CNTLN: variants seen among roughly 807,000 people sequenced by gnomAD.
CNTLN encodes the protein centlein, centrosomal protein.
In CNTLN, 212 loss-of-function variants were observed where a neutral mutation model predicts 180.0. The observed-to-expected ratio is 1.18, with a 90% CI of 1.05 to 1.32. The LOEUF (loss-of-function observed/expected upper bound fraction) is 1.32. Among genes scored for constraint, CNTLN ranks in the 40% most tolerant of loss-of-function variants. CNTLN has a pLI of 0.00. For synonymous variants in CNTLN, 722 were observed against 563.1 expected (o/e 1.28, Z -3.99); for missense variants, 2,095 against 1,610.9 (o/e 1.30, Z -5.14).
intron 2 of CNTLN, among the ~76,000 whole-genome samples, chr9:17,214,151 G>C (rs985980937): frequency 6.6e-6 from 1 of 152,092 alleles, no homozygotes. Flanking sequence ...TCCTAGCCTC[G>C]ATGGTCTTTA....
At chr9:17,449,921 CTG>C (rs1053281970) in intron 18 of CNTLN, among the ~76,000 whole-genome samples, 4 of 152,142 alleles carry the variant, frequency 2.6e-5, no homozygotes, top group African/African-American at 9.7e-5. Flanking sequence ...TATTAGTAAA[CTG>C]TTTTGAATAA....
intron 12 of CNTLN, among the ~76,000 whole-genome samples, chr9:17,365,597 T>C (rs527507218): frequency 6.8e-6 from 1 of 147,004 alleles, no homozygotes; most frequent in Non-Finnish European, 1.5e-5. Flanking sequence ...GAATTTACCA[T>C]TCTTGTTTTC....
chr9:17,507,518 G>A (rs1462401187), downstream of CNTLN, among the ~76,000 whole-genome samples: 1 of 152,068 alleles, frequency 6.6e-6, no homozygotes, highest in Non-Finnish European at 1.5e-5. Flanking sequence ...TACTAATTGG[G>A]TTACTGGGTC....
At chr9:17,198,111 T>G (rs1161344889) in intron 2 of CNTLN, among the ~76,000 whole-genome samples, 1 of 152,202 alleles carries the variant, frequency 6.6e-6, no homozygotes, top group East Asian at 1.9e-4. Flanking sequence ...GTTTTTATGC[T>G]AGTGCCATGT....
At chr9:17,522,618 A>C in the CNTLN span, among the ~76,000 whole-genome samples, 1 of 152,058 alleles carries the variant, frequency 6.6e-6, no homozygotes, top group East Asian at 1.9e-4. Context: ...CTTGAGATTG[A>C]CACAGAGAAG....
intron 2 of CNTLN, among the ~76,000 whole-genome samples, chr9:17,194,295 G>A (rs554603118): frequency 6.6e-6 from 1 of 152,238 alleles, no homozygotes; most frequent in East Asian, 1.9e-4. Context: ...CACATTGTTA[G>A]GCTGCACATT....
chr9:17,234,897 A>T (rs1486423008), intron 3 of CNTLN, among the ~76,000 whole-genome samples: 4 of 152,184 alleles, frequency 2.6e-5, no homozygotes, highest in Admixed American at 2.0e-4. Flanking sequence ...AGTTAGTTTG[A>T]GATAGTAGAC....
intron 15 of CNTLN, among the ~76,000 whole-genome samples, chr9:17,399,290 A>G (rs769322869): frequency 1.5e-4 from 23 of 152,314 alleles, no homozygotes; most frequent in Middle Eastern, 3.4e-3. Flanking sequence ...GTCTCAAATG[A>G]GAACTTAGAG....
At chr9:17,178,980 C>A (rs545931986) in intron 2 of CNTLN, among the ~76,000 whole-genome samples, 2 of 146,022 alleles carry the variant, frequency 1.4e-5, no homozygotes, top group Non-Finnish European at 1.5e-5. Flanking sequence ...CGCGGTGGCT[C>A]ACGCCTGTAA....
intron 5 of CNTLN, among the ~76,000 whole-genome samples, chr9:17,267,351 A>T (rs1827550589): frequency 6.6e-6 from 1 of 152,134 alleles, no homozygotes; most frequent in Non-Finnish European, 1.5e-5. Context: ...TTTTTTAAGA[A>T]TGTTGAATAT....
chr9:17,356,811 T>C (rs2133347395), intron 12 of CNTLN, among the ~76,000 whole-genome samples: 1 of 152,288 alleles, frequency 6.6e-6, no homozygotes, highest in East Asian at 1.9e-4. Context: ...TTGTGATTAA[T>C]ATGAAGATAA....
chr9:17,152,776 T>A (rs1586928462), intron 2 of CNTLN, among the ~76,000 whole-genome samples: 1 of 152,322 alleles, frequency 6.6e-6, no homozygotes, highest in Non-Finnish European at 1.5e-5. Context: ...ACTCACCCAC[T>A]ATTATTGTGT....
At chr9:17,378,778 G>C (rs10963072) in intron 13 of CNTLN, among the ~76,000 whole-genome samples, 1 of 152,044 alleles carries the variant, frequency 6.6e-6, no homozygotes, top group Admixed American at 6.5e-5. Flanking sequence ...TCAAATTGTT[G>C]TCTGGCTTCA....
At chr9:17,143,056 C>T (rs1818214784) in intron 1 of CNTLN, among the ~76,000 whole-genome samples, 1 of 152,180 alleles carries the variant, frequency 6.6e-6, no homozygotes, top group Non-Finnish European at 1.5e-5. Flanking sequence ...TTTAGCATTT[C>T]AACAGTTGCA....
At chr9:17,468,468 A>G (rs1387218750) in intron 23 of CNTLN, among the ~76,000 whole-genome samples, 1 of 151,566 alleles carries the variant, frequency 6.6e-6, no homozygotes, top group African/African-American at 2.4e-5. Flanking sequence ...ACCTTCATAA[A>G]TCTTGGTTTT....
intron 7 of CNTLN, 50 bp downstream of exon 7, chr9:17,298,402 T>G (rs925891933): frequency 6.9e-7 from 1 of 1,442,640 alleles, no homozygotes; most frequent in Non-Finnish European, 9.2e-7. Context: ...TATGAACTTA[T>G]GAACATATAT....
At chr9:17,343,984 G>C (rs1461431467) in intron 12 of CNTLN, among the ~76,000 whole-genome samples, 1 of 152,082 alleles carries the variant, frequency 6.6e-6, no homozygotes, top group African/African-American at 2.4e-5. Context: ...ACGTTTTCAA[G>C]GTTCATCCAT....
rs1467697613 is a variant in CNTLN at position 17,135,413 on chromosome 9, G to T, written c.348G>T (p.Leu116Phe). ...EEELSSLKEE[L>F]ALCQADKEFV... ...AGCTGAGCAGCCTAAAGGAGGAGTT[G>T]GCCCTGTGTCAGGTATCGAGGAGTC... Residue 116 changes from leucine to phenylalanine, a missense_variant, in exon 1 of 26, where the codon TTG becomes TTT. Leu to Phe is a conservative substitution (Grantham distance 22). Transcript: ENST00000380647. 3 of 1,596,686 alleles carry T rather than the reference G, an allele frequency of 1.9e-6. No homozygotes were observed. Among genetic ancestry groups the T allele is most frequent in the East Asian group, 2.3e-5 (1 of 44,312 alleles).
At chr9:17,390,066 C>T (rs982623079) in intron 14 of CNTLN, among the ~76,000 whole-genome samples, 71 of 152,050 alleles carry the variant, frequency 4.7e-4, no homozygotes, top group African/African-American at 1.7e-3. Flanking sequence ...ACCAACCCTG[C>T]TGACACCTTG....
Sources: gnomAD v4.1 joint callset for allele counts (sites outside exome capture counted in the v4.1 genomes callset) on GRCh38, gnomAD v4.1.1 for gene constraint, MANE v1.5 for transcripts, NCBI Gene and HGNC (gene_info 2026-07-23, HGNC 2026-07-21) for gene names.